Variants in BBS4 observed in about 807,000 individuals in gnomAD.
BBS4 encodes the protein Bardet-Biedl syndrome 4, also known as BBSome complex member BBS4.
A neutral mutation model predicts 71.4 loss-of-function variants in BBS4; 58 were observed. The ratio of observed to expected loss-of-function variants is 0.81; its 90% CI spans 0.66 to 1.01. BBS4 has a LOEUF of 1.01. Ranked by LOEUF, BBS4 falls within the 50% of genes least tolerant of loss-of-function variation. BBS4 has a pLI of 0.00. For synonymous variants in BBS4, 228 were observed against 216.8 expected (o/e 1.05, Z -0.46); for missense variants, 660 against 607.9 (o/e 1.09, Z -0.90).
intron 1 of BBS4, chr15:72,686,909 T>C: frequency 3.9e-6 from 1 of 257,158 alleles, no homozygotes; most frequent in Non-Finnish European, 7.8e-6. Context: ...GTTCTGTCCA[T>C]TTGTTAGAAT....
At chr15:72,691,296 TA>T (rs2064979116) in intron 1 of BBS4, among the ~76,000 whole-genome samples, 1 of 152,132 alleles carries the variant, frequency 6.6e-6, no homozygotes, top group African/African-American at 2.4e-5. Flanking sequence ...ATCCTACCTG[TA>T]AAAGAGTGCT....
chr15:72,733,729 A>AAC (rs1306344480), intron 12 of BBS4, among the ~76,000 whole-genome samples: 2 of 152,180 alleles, frequency 1.3e-5, no homozygotes, highest in Non-Finnish European at 2.9e-5. Flanking sequence ...TGCTGCATTG[A>AAC]ACACACACAT....
chr15:72,688,411 C>CTTTTTTTCTTTTTTTTTTTTTTTTTT (rs2064915492), intron 1 of BBS4, among the ~76,000 whole-genome samples: 1 of 83,052 alleles, frequency 1.2e-5, no homozygotes, highest in African/African-American at 4.4e-5. Context: ...GGTATTTTAT[C>CTTTTTTTCTTTTTTTTTTTTTTTTTT]TTTTTTTTTT....
At chr15:72,710,421 C>G (rs867873804) in intron 3 of BBS4, among the ~76,000 whole-genome samples, 1 of 151,912 alleles carries the variant, frequency 6.6e-6, no homozygotes, top group Non-Finnish European at 1.5e-5. Flanking sequence ...AGGCTGGTCT[C>G]GAACTCCTGA....
chr15:72,724,569 C>T lies in BBS4; in HGVS notation c.501C>T (p.His167=), dbSNP rs745789574. The change falls in exon 8 of 16, where the codon CAC becomes CAT. Residue 167 remains histidine (H), a synonymous_variant. Transcript: ENST00000268057. ...QLHNALNLNR[H]DLTYIMLGKI... Reference sequence around the variant, plus strand: ...ACAATGCCCTGAATCTTAATAGGCACGATCTGACTTATATAATGCTGGGGA... The same window carrying T: ...ACAATGCCCTGAATCTTAATAGGCATGATCTGACTTATATAATGCTGGGGA... The T allele has an allele frequency of 2.2e-5, 35 of 1,613,908 alleles. No homozygotes were observed. Among genetic ancestry groups the T allele is most frequent in the Admixed American group, 1.2e-4 (7 of 59,992 alleles).
chr15:72,698,135 G>T, intron 2 of BBS4: 4 of 422,074 alleles, frequency 9.5e-6, no homozygotes, highest in South Asian at 1.7e-5. Flanking sequence ...CTGAGGATGA[G>T]TTTTGTCCAC....
At chr15:72,720,994 C>T (rs899594637) in intron 6 of BBS4, among the ~76,000 whole-genome samples, 4 of 152,320 alleles carry the variant, frequency 2.6e-5, no homozygotes, top group Admixed American at 2.0e-4. Flanking sequence ...CTTAACAATT[C>T]CTACTGTAGA....
chr15:72,737,018 G>A (rs923299682), intron 15 of BBS4, 55 bp downstream of exon 15: 3 of 1,572,540 alleles, frequency 1.9e-6, no homozygotes, highest in Non-Finnish European at 2.6e-6. Flanking sequence ...ACATGTGTCT[G>A]TCAGCAGAGA....
At chr15:72,713,543 G>A (rs1323372583) in intron 4 of BBS4, among the ~76,000 whole-genome samples, 3 of 152,146 alleles carry the variant, frequency 2.0e-5, no homozygotes, top group African/African-American at 7.2e-5. Context: ...TTTTTAGTAA[G>A]TGGAAGGAGT....
chr15:72,738,054 A>G lies in BBS4; in HGVS notation c.*467A>G, dbSNP rs1355233674. The G allele has an allele frequency of 1.1e-5, 5 of 453,900 alleles. No individual in the cohort carries two copies. Among genetic ancestry groups the G allele is most frequent in the Admixed American group, 2.4e-5 (1 of 42,536 alleles). The allele number at this position is 453,900 out of a possible 1,614,324, so 28.1% of individuals were successfully genotyped here. A position where few individuals can be genotyped will look rare whatever the true frequency, so the allele number is the denominator to read the frequency against. On this transcript the variant is annotated 3_prime_UTR_variant, in exon 16 of 16. Transcript: ENST00000268057. ...TTATTAGTCCCCAAGGCAAACACAA[A>G]TATTAGATTAATAATCCAACTTTAA...
intron 1 of BBS4, among the ~76,000 whole-genome samples, chr15:72,687,124 C>CTTTTTTTTTTTTTCTTTTT (rs1458417621): frequency 1.3e-5 from 1 of 76,210 alleles, no homozygotes; most frequent in African/African-American, 4.9e-5. Context: ...AAGACAGAAA[C>CTTTTTTTTTTTTTCTTTTT]TTTTTTTTTT....
chr15:72,712,299 A>G lies in BBS4; in HGVS notation c.212A>G (p.Tyr71Cys), dbSNP rs183122832. Residue 71 changes from tyrosine (Y) to cysteine (C), a missense_variant, in exon 4 of 16, where the codon TAT (tyrosine) becomes TGT (cysteine). Transcript: ENST00000268057. ...ETQGLCEYAI[Y>C]VQALIFRLEG... ...CAGGGATTGTGTGAATATGCTATCT[A>G]TGTCCAAGGTAAGACACATACTTCT... is the stretch of plus-strand genomic sequence containing the variant. The G allele has an allele frequency of 2.5e-6, 4 of 1,613,726 alleles. No individual in the cohort carries two copies. The highest frequency in any genetic ancestry group is 2.2e-5 in the East Asian group (1 of 44,892).
intron 10 of BBS4, among the ~76,000 whole-genome samples, 169 bp from the exon 11 acceptor site, chr15:72,731,136 T>C (rs1279415724): frequency 7.1e-6 from 1 of 141,728 alleles, no homozygotes; most frequent in Non-Finnish European, 1.5e-5. Flanking sequence ...TGCAAGGACA[T>C]TCCTCAGGAA....
chr15:72,694,913 T>C (rs2065047995), intron 1 of BBS4, among the ~76,000 whole-genome samples: 2 of 152,228 alleles, frequency 1.3e-5, no homozygotes, highest in Admixed American at 6.5e-5. Context: ...ATGCACATTT[T>C]ACTATATACT....
intron 8 of BBS4, among the ~76,000 whole-genome samples, chr15:72,725,038 C>CTATATATATA (rs67509027): frequency 8.1e-5 from 11 of 135,492 alleles, no homozygotes; most frequent in Non-Finnish European, 1.2e-4. Flanking sequence ...AAGCATCTGG[C>CTATATATATA]TATATATATA....
Position 72,694,535 on chromosome 15 carries a change from C to T in BBS4, c.25-642C>T, listed in dbSNP as rs541285991. On this transcript the variant is annotated intron_variant, in intron 1 of 15. Transcript: ENST00000268057. Reference sequence around the variant, plus strand: ...TAAGAGCTGCTTCTTGTCTCTGGTGCAGTTCGCTATGATGTATCTAAGTAT... The same window carrying T: ...TAAGAGCTGCTTCTTGTCTCTGGTGTAGTTCGCTATGATGTATCTAAGTAT... Among the ~76,000 whole-genome samples, 11 of 152,290 alleles carry T rather than the reference C, an allele frequency of 7.2e-5. No individual in the cohort carries two copies. The South Asian group carries it at 2.3e-3, about 32-fold the overall frequency.
chr15:72,733,467 G>GTTTCCC, intron 12 of BBS4, among the ~76,000 whole-genome samples: 1 of 152,046 alleles, frequency 6.6e-6, no homozygotes, highest in Non-Finnish European at 1.5e-5. Flanking sequence ...TCCAGTGTCT[G>GTTTCCC]TTTCCCTCTG....
At chr15:72,720,486 C>CA (rs60677539) in intron 6 of BBS4, among the ~76,000 whole-genome samples, 2,629 of 121,384 alleles carry the variant, frequency 0.022, 57 homozygotes, top group African/African-American at 0.059. Flanking sequence ...GACCCTGTCT[C>CA]AAAAAAAAAA....
intron 2 of BBS4, among the ~76,000 whole-genome samples, chr15:72,701,689 T>C (rs1379416281): frequency 6.6e-6 from 1 of 152,196 alleles, no homozygotes; most frequent in Non-Finnish European, 1.5e-5. Context: ...GTCTTTTGTT[T>C]AGTATCCTAT....
Sources: gnomAD v4.1 joint callset for allele counts (sites outside exome capture counted in the v4.1 genomes callset) on GRCh38, gnomAD v4.1.1 for gene constraint, MANE v1.5 for transcripts, NCBI Gene and HGNC (gene_info 2026-07-23, HGNC 2026-07-21) for gene names.